The following NCOA5 variants were observed in gnomAD, a reference collection of about 807,000 sequenced individuals.
The protein encoded by NCOA5 is nuclear receptor coactivator 5.
NCOA5 carries 12 observed loss-of-function variants against 59.0 expected under a neutral mutation model. The observed-to-expected ratio is 0.20, with a 90% CI of 0.13 to 0.33. The LOEUF (loss-of-function observed/expected upper bound fraction) is 0.33, where lower values mean the gene tolerates loss of function less well. NCOA5 is among the 10% of genes least tolerant of loss of function. The pLI, the probability that NCOA5 is intolerant of heterozygous loss-of-function variation, is 1.00. For synonymous variants in NCOA5, 270 were observed against 275.5 expected, an observed-to-expected ratio of 0.98 and a Z score of 0.20; for missense variants, 655 against 766.6, an observed-to-expected ratio of 0.85 and a Z score of 1.72.
chr20:46,078,542 T>A (rs775374169), intron 2 of NCOA5, among the ~76,000 whole-genome samples: 56 of 145,670 alleles, frequency 3.8e-4, no homozygotes, highest in Non-Finnish European at 4.6e-4. Flanking sequence ...AATCAATTAA[T>A]CCATTTGGGC....
chr20:46,064,360 T>C (rs953350139), intron 6 of NCOA5, among the ~76,000 whole-genome samples: 1 of 152,212 alleles, frequency 6.6e-6, no homozygotes, highest in Non-Finnish European at 1.5e-5. Context: ...GTTAAGTCTG[T>C]GCTGTAAGAG....
chr20:46,072,553 G>A (rs2145536716), intron 2 of NCOA5, among the ~76,000 whole-genome samples: 1 of 152,280 alleles, frequency 6.6e-6, no homozygotes, highest in South Asian at 2.1e-4. Flanking sequence ...TGAAGGTCCT[G>A]TATAATCTTG....
chr20:46,088,873 A>T (rs1161331560), intron 1 of NCOA5, among the ~76,000 whole-genome samples: 2 of 152,230 alleles, frequency 1.3e-5, no homozygotes, highest in Non-Finnish European at 2.9e-5. Flanking sequence ...CAGGAGGAAC[A>T]AGGACGCACT....
At chr20:46,085,923 G>A (rs780772308) in intron 1 of NCOA5, among the ~76,000 whole-genome samples, 2 of 152,168 alleles carry the variant, frequency 1.3e-5, no homozygotes, top group Non-Finnish European at 2.9e-5. Flanking sequence ...GCCCATTTTA[G>A]TAACATTCTT....
chr20:46,063,288 C>T lies in NCOA5; in HGVS notation c.1150+72G>A, dbSNP rs1409266875. On this transcript the variant is annotated intron_variant, in intron 7 of 7. Coordinates refer to ENST00000290231, the MANE Select transcript of NCOA5 (RefSeq NM_020967.3). ...CTCCAAAGAGCCCTGGGCCTGACAC[C>T]CTCCCAACAGAGCCTGGGGATTAGA... 3.3e-6 allele frequency: 5 copies of T among 1,500,374 alleles called. No individual in the cohort carries two copies. The South Asian group carries it at 5.0e-5, about 15-fold the overall frequency. 92.9% of individuals were successfully genotyped at this position (1,500,374 alleles called of 1,614,324 possible).
intron 2 of NCOA5, 140 bp downstream of exon 2, chr20:46,079,247 C>CA: frequency 1.3e-6 from 1 of 767,776 alleles, no homozygotes; most frequent in Admixed American, 2.4e-5. Context: ...CAAGGCCCTT[C>CA]ACACAGGGTT....
In NCOA5 at chr20:46,063,430, A is replaced by G. The variant is rs749934476; in HGVS notation, c.1080T>C (p.Thr360=). The G allele has an allele frequency of 2.9e-5, 47 of 1,614,044 alleles. No individual in the cohort carries two copies. The South Asian group carries it at 4.7e-4, about 16-fold the overall frequency. The part of the protein sequence containing the change: ...ADNRYLTAEE[T]DKIINYLRER... ...CTCGCAGGTAGTTGATGATCTTGTC[A>G]GTCTCTTCAGCAGTGAGGTACCTGT... Residue 360 remains threonine, a synonymous_variant, in exon 7 of 8, where the codon ACT becomes ACC. Coordinates refer to ENST00000290231, the MANE Select transcript of NCOA5 (RefSeq NM_020967.3).
chr20:46,066,182 G>T (rs2084821825), intron 5 of NCOA5, among the ~76,000 whole-genome samples: 1 of 152,144 alleles, frequency 6.6e-6, no homozygotes, highest in Admixed American at 6.5e-5. Flanking sequence ...ACCACCTAGG[G>T]AAAGGGAACA....
intron 1 of NCOA5, 36 bp from the exon 2 acceptor site, chr20:46,079,489 C>CG: frequency 6.6e-7 from 1 of 1,513,380 alleles, no homozygotes. Context: ...TTCAATGCTA[C>CG]GGAATAAAAA....
chr20:46,064,512 A>G (rs1439982656), intron 6 of NCOA5, among the ~76,000 whole-genome samples: 1 of 152,210 alleles, frequency 6.6e-6, no homozygotes, highest in Non-Finnish European at 1.5e-5. Context: ...CTTCTCCAGC[A>G]CACTTACAAA....
Position 46,062,711 on chromosome 20 carries a change from T to A in NCOA5, c.1329A>T (p.Thr443=), listed in dbSNP as rs1537028. Residue 443 remains threonine (T), a synonymous_variant, in exon 8 of 8, where the codon ACA becomes ACT. Transcript: ENST00000290231. The part of the protein sequence containing the change: ...AKILSLFNSG[T]VTANSSSASP... ...ATGCAGAGCTGCTATTGGCCGTCACTGTGCCACTATTGAAGAGGCTGAGGA... is the reference window on the plus strand; with the variant it reads ...ATGCAGAGCTGCTATTGGCCGTCACAGTGCCACTATTGAAGAGGCTGAGGA... The A allele has an allele frequency of 1.1e-5, 17 of 1,613,824 alleles. No individual in the cohort carries two copies. In the East Asian group the frequency reaches 1.6e-4, roughly 15 times the overall value.
rs983648702 is a variant in NCOA5, at chr20:46,062,459, A to G, written c.1581T>C (p.Pro527=). ...APASNMTSQR[P]VSSTGINFDN... ...CAAAGTTGATACCTGTGGAAGACAC[A>G]GGCCTCTGGCTAGTCATGTTGCTAG... The change falls in exon 8 of 8, where the codon CCT becomes CCC. Residue 527 remains proline, a synonymous_variant. Coordinates refer to ENST00000290231, the MANE Select transcript of NCOA5 (RefSeq NM_020967.3). 6.2e-7 allele frequency: 1 copy of G among 1,614,032 alleles called. No homozygotes were observed. Among genetic ancestry groups the G allele is most frequent in the African/African-American group, 1.3e-5 (1 of 74,916 alleles).
At chr20:46,084,954 C>T (rs542168822) in intron 1 of NCOA5, among the ~76,000 whole-genome samples, 44 of 152,328 alleles carry the variant, frequency 2.9e-4, no homozygotes, top group Non-Finnish European at 6.0e-4. Context: ...TTCATAATGT[C>T]AAATGCCTAC....
intron 3 of NCOA5, 94 bp from the exon 4 acceptor site, chr20:46,068,732 T>G (rs1409836242): frequency 1.6e-6 from 2 of 1,233,030 alleles, no homozygotes; most frequent in African/African-American, 3.0e-5. Flanking sequence ...AAATGAGGTT[T>G]ATATCTGGGA....
intron 2 of NCOA5, among the ~76,000 whole-genome samples, chr20:46,075,084 C>A (rs953903319): frequency 6.6e-6 from 1 of 152,180 alleles, no homozygotes; most frequent in African/African-American, 2.4e-5. Flanking sequence ...TGATCCTCCA[C>A]CAGGAGGGCT....
At chr20:46,072,940 C>G (rs903134565) in intron 2 of NCOA5, among the ~76,000 whole-genome samples, 2 of 152,154 alleles carry the variant, frequency 1.3e-5, no homozygotes, top group South Asian at 2.1e-4. Context: ...GTCTGTTATA[C>G]GACAGATGCT....
intron 1 of NCOA5, among the ~76,000 whole-genome samples, chr20:46,086,403 T>C (rs564462408): frequency 6.6e-6 from 1 of 152,326 alleles, no homozygotes; most frequent in South Asian, 2.1e-4. Flanking sequence ...ACCATTCCCA[T>C]AAATATTCAT....
chr20:46,076,197 C>T (rs2084936322), intron 2 of NCOA5, among the ~76,000 whole-genome samples: 1 of 150,488 alleles, frequency 6.6e-6, no homozygotes, highest in Non-Finnish European at 1.5e-5. Flanking sequence ...TGTTTTTTTT[C>T]CCCTGTGAAT....
At chr20:46,087,950 G>A (rs1355732487) in intron 1 of NCOA5, among the ~76,000 whole-genome samples, 1 of 116,230 alleles carries the variant, frequency 8.6e-6, no homozygotes, top group Non-Finnish European at 2.2e-5. Flanking sequence ...GTTTTTAACA[G>A]GGGGAGAGAT....
Sources: gnomAD v4.1 joint callset for allele counts (sites outside exome capture counted in the v4.1 genomes callset) on GRCh38, gnomAD v4.1.1 for gene constraint, MANE v1.5 for transcripts, NCBI Gene and HGNC (gene_info 2026-07-23, HGNC 2026-07-21) for gene names.